The following KLHL1 variants were observed in gnomAD, a reference collection of about 807,000 sequenced individuals.
The protein encoded by KLHL1 is kelch like family member 1.
KLHL1 carries 47 observed loss-of-function variants against 77.7 expected under a neutral mutation model. That is an observed-to-expected ratio of 0.60 (90% confidence interval 0.48 to 0.77). The LOEUF (loss-of-function observed/expected upper bound fraction) is 0.77. Ranked by LOEUF, KLHL1 falls within the 30% of genes least tolerant of loss-of-function variation. The pLI is 0.00. For synonymous variants in KLHL1, 360 were observed against 325.2 expected (o/e 1.11, Z -1.15); for missense variants, 925 against 910.8 (o/e 1.02, Z -0.20).
At chr13:70,033,061 C>T (rs913365210) in intron 1 of KLHL1, among the ~76,000 whole-genome samples, 1 of 152,100 alleles carries the variant, frequency 6.6e-6, no homozygotes, top group Non-Finnish European at 1.5e-5. Context: ...TTTAAATATG[C>T]ACTTCACTAC....
intron 4 of KLHL1, among the ~76,000 whole-genome samples, chr13:69,929,270 G>T (rs897291298): frequency 4.0e-5 from 6 of 151,834 alleles, no homozygotes; most frequent in African/African-American, 1.4e-4. Context: ...CAAGCCTTCT[G>T]GTTTTCAAGA....
intron 7 of KLHL1, among the ~76,000 whole-genome samples, chr13:69,775,599 C>T (rs560393176): frequency 6.6e-6 from 1 of 152,184 alleles, no homozygotes; most frequent in South Asian, 2.1e-4. Flanking sequence ...TTTGATTTCA[C>T]TTAAAATTCA....
At chr13:69,797,029 G>A in intron 6 of KLHL1, 67 bp from the exon 7 acceptor site, 2 of 1,315,298 alleles carry the variant, frequency 1.5e-6, no homozygotes, top group South Asian at 1.2e-5. Context: ...GCCAAAGCAG[G>A]GTACAAATTA....
intron 1 of KLHL1, among the ~76,000 whole-genome samples, chr13:70,015,123 C>T (rs979564935): frequency 8.5e-5 from 13 of 152,210 alleles, no homozygotes; most frequent in Middle Eastern, 3.4e-3. Context: ...CACATATGGT[C>T]ATGTGCCACT....
chr13:69,712,781 G>A (rs1161030913), intron 9 of KLHL1, among the ~76,000 whole-genome samples: 7 of 142,686 alleles, frequency 4.9e-5, no homozygotes, highest in Non-Finnish European at 7.6e-5. Flanking sequence ...TTGGGGGGGG[G>A]GTTTTGTTTG....
chr13:69,775,411 A>G (rs1566237196), intron 7 of KLHL1, among the ~76,000 whole-genome samples: 1 of 152,200 alleles, frequency 6.6e-6, no homozygotes, highest in South Asian at 2.1e-4. Flanking sequence ...CAATGTCAAT[A>G]CCTTTCAATT....
At chr13:70,050,226 T>G (rs888904783) in intron 1 of KLHL1, among the ~76,000 whole-genome samples, 2 of 151,848 alleles carry the variant, frequency 1.3e-5, no homozygotes, top group Non-Finnish European at 2.9e-5. Flanking sequence ...AACCTTTTGA[T>G]CAAAACTGGC....
rs779010441 is a variant in KLHL1, at chr13:69,975,582, T to C, written c.680+38A>G. 7.7e-6 allele frequency: 12 copies of C among 1,563,396 alleles called. No individual in the cohort carries two copies. The South Asian group carries it at 8.2e-5, about 11-fold the overall frequency. On this transcript the variant is annotated intron_variant, in intron 2 of 10. Coordinates refer to ENST00000377844, the MANE Select transcript of KLHL1 (RefSeq NM_020866.3). ...CATGCCAGTCTGGCACTTTTAAACA[T>C]GTGAATGCATGTTTCCAGTAGAGGC...
chr13:69,994,453 T>C (rs192567819), intron 1 of KLHL1, among the ~76,000 whole-genome samples: 3 of 152,244 alleles, frequency 2.0e-5, no homozygotes, highest in Non-Finnish European at 4.4e-5. Context: ...TACTTTGCAA[T>C]ATGATGCCTA....
chr13:69,718,382 C>T (rs1348819851), intron 9 of KLHL1, among the ~76,000 whole-genome samples: 1 of 150,088 alleles, frequency 6.7e-6, no homozygotes, highest in Non-Finnish European at 1.5e-5. Context: ...TTCCTTTTGA[C>T]ATAGAGACCA....
At chr13:70,023,561 C>A (rs1885855976) in intron 1 of KLHL1, among the ~76,000 whole-genome samples, 2 of 151,904 alleles carry the variant, frequency 1.3e-5, no homozygotes, top group South Asian at 4.1e-4. Context: ...AATCTAGGAA[C>A]CAGCAAGTTC....
At chr13:70,078,039 C>G (rs191654141) in intron 1 of KLHL1, among the ~76,000 whole-genome samples, 1 of 151,976 alleles carries the variant, frequency 6.6e-6, no homozygotes, top group African/African-American at 2.4e-5. Flanking sequence ...CTACAGGTGC[C>G]TCTCTAAATG....
chr13:69,880,987 A>C (rs894894252), intron 5 of KLHL1, among the ~76,000 whole-genome samples: 1 of 152,090 alleles, frequency 6.6e-6, no homozygotes, highest in Non-Finnish European at 1.5e-5. Context: ...ACCCGCCCAA[A>C]CTCTAATAGA....
intron 7 of KLHL1, among the ~76,000 whole-genome samples, chr13:69,777,443 A>G (rs991449816): frequency 1.1e-4 from 17 of 152,152 alleles, no homozygotes; most frequent in Non-Finnish European, 2.4e-4. Context: ...GGGATTATAG[A>G]GGTCATATTA....
intron 1 of KLHL1, among the ~76,000 whole-genome samples, chr13:70,069,693 T>C (rs1230369352): frequency 6.6e-6 from 1 of 152,182 alleles, no homozygotes; most frequent in Non-Finnish European, 1.5e-5. Context: ...AGATTTCCTT[T>C]AATAGGCTCA....
chr13:69,815,018 TAAATA>T (rs113801002), intron 6 of KLHL1, among the ~76,000 whole-genome samples: 80 of 151,376 alleles, frequency 5.3e-4, no homozygotes, highest in Admixed American at 1.4e-3. Context: ...TCTAAAAAAA[TAAATA>T]AAATAAAATA....
chr13:69,861,765 T>C, intron 5 of KLHL1, among the ~76,000 whole-genome samples: 1 of 115,896 alleles, frequency 8.6e-6, no homozygotes, highest in Non-Finnish European at 1.7e-5. Flanking sequence ...CTGACCAACA[T>C]GGAGAAACCC....
chr13:70,095,294 G>C (rs981274096), intron 1 of KLHL1, among the ~76,000 whole-genome samples: 1 of 152,130 alleles, frequency 6.6e-6, no homozygotes, highest in African/African-American at 2.4e-5. Flanking sequence ...GAAATATAAT[G>C]ATATGCAAGA....
intron 1 of KLHL1, among the ~76,000 whole-genome samples, chr13:70,080,579 C>T (rs190419970): frequency 6.6e-6 from 1 of 151,842 alleles, no homozygotes; most frequent in Non-Finnish European, 1.5e-5. Flanking sequence ...TATCATTTTA[C>T]TCTATTTATT....
Sources: gnomAD v4.1 joint callset for allele counts (sites outside exome capture counted in the v4.1 genomes callset) on GRCh38, gnomAD v4.1.1 for gene constraint, MANE v1.5 for transcripts, NCBI Gene and HGNC (gene_info 2026-07-23, HGNC 2026-07-21) for gene names.